Variants in TMC6 observed in about 807,000 individuals in gnomAD.
TMC6 encodes transmembrane channel like 6.
In TMC6, 71 loss-of-function variants were observed where a neutral mutation model predicts 95.4. The ratio of observed to expected loss-of-function variants is 0.74; its 90% CI spans 0.61 to 0.91. The LOEUF is 0.91. TMC6 is among the 40% of genes least tolerant of loss of function. The probability of loss-of-function intolerance (pLI) is 0.00; values close to 1 mark genes in which losing one functional copy is unlikely to be tolerated. For synonymous variants in TMC6, 514 were observed against 483.1 expected, an observed-to-expected ratio of 1.06 and a Z score of -0.84; for missense variants, 1,074 against 1,079.1, an observed-to-expected ratio of 1.00 and a Z score of 0.07.
intron 18 of TMC6, among the ~76,000 whole-genome samples, chr17:78,115,559 G>A (rs1416954599): frequency 2.0e-5 from 3 of 152,178 alleles, no homozygotes; most frequent in East Asian, 3.9e-4. Flanking sequence ...GGGGGAAAGT[G>A]CCTTGTCTCC....
chr17:78,119,122 G>A, intron 14 of TMC6, 76 bp from the exon 15 acceptor site: 1 of 1,520,446 alleles, frequency 6.6e-7, no homozygotes, highest in Non-Finnish European at 9.0e-7. Context: ...CCAGACCACG[G>A]GCAGGGCATG....
intron 1 of TMC6, 87 bp from the exon 2 acceptor site, chr17:78,126,993 G>T: frequency 1.2e-6 from 1 of 830,790 alleles, no homozygotes; most frequent in South Asian, 1.5e-5. Flanking sequence ...ACCACAGGAG[G>T]TGCCACTCAC....
In TMC6 at chr17:78,113,135, C is replaced by G; in HGVS notation, c.*13G>C. On this transcript the variant is annotated 3_prime_UTR_variant, in exon 20 of 20. Transcript: ENST00000590602. ...GGGTGCTGGGCGGGCCCGTGAGGCC[C>G]ATCGCCGTCCCCCTAGGCATCCTGT... 6.4e-7 allele frequency: 1 copy of G among 1,551,900 alleles called. No homozygotes were observed. The highest frequency in any genetic ancestry group is 8.7e-7 in the Non-Finnish European group (1 of 1,147,358).
At position 78,113,186 on chromosome 17, in the gene TMC6, C is replaced by T. The variant is rs112660101; in HGVS notation, c.2380G>A (p.Ala794Thr). ...SRVGTTEEAA[A>T]PPALLTDEQD... is the part of the protein sequence containing the mutation. Reference sequence around the variant, plus strand: ...TCATCTGTGAGCAGGGCAGGGGGTGCCGCAGCCTCCTCGGTTGTCCCAACC... The same window carrying T: ...TCATCTGTGAGCAGGGCAGGGGGTGTCGCAGCCTCCTCGGTTGTCCCAACC... The change falls in exon 20 of 20, where the codon GCA becomes ACA. Residue 794 changes from alanine (A) to threonine (T), a missense_variant. By Grantham distance (58) the Ala-to-Thr change is moderately conservative. Coordinates refer to ENST00000590602, the MANE Select transcript of TMC6 (RefSeq NM_001127198.5). The T allele has an allele frequency of 3.2e-6, 5 of 1,557,718 alleles. No homozygotes were observed. In the African/African-American group the frequency reaches 5.4e-5, roughly 17 times the overall value.
At chr17:78,125,935 C>T (rs746184238) in intron 4 of TMC6, 51 bp from the exon 5 acceptor site, 119 of 1,548,696 alleles carry the variant, frequency 7.7e-5, no homozygotes, top group South Asian at 2.5e-4. Context: ...GGCCTCCCTC[C>T]CCTCAGGATG....
At chr17:78,124,838 C>T in intron 7 of TMC6, 51 bp downstream of exon 7, 1 of 1,579,430 alleles carries the variant, frequency 6.3e-7, no homozygotes, top group Non-Finnish European at 8.6e-7. Context: ...ACTGAGGCCA[C>T]CCCAGCCCTG....
At chr17:78,129,114 GCGC>G (rs764437217), upstream of TMC6, among the ~76,000 whole-genome samples, 762 of 97,346 alleles carry the variant, frequency 7.8e-3, 17 homozygotes, top group African/African-American at 0.022. The surrounding 1 kb of genome is among the most constrained non-coding windows in gnomAD (Gnocchi z 4.3). Flanking sequence ...AGATTGGGCA[GCGC>G]CCCCCCCCCC....
chr17:78,115,954 T>C (rs1026354620), intron 18 of TMC6, among the ~76,000 whole-genome samples: 2 of 151,744 alleles, frequency 1.3e-5, no homozygotes, highest in Non-Finnish European at 2.9e-5. Context: ...GGGTGGACAG[T>C]ACTCCTGGGG....
intron 17 of TMC6, 34 bp downstream of exon 17, chr17:78,117,434 T>C (rs2074182497): frequency 1.2e-6 from 2 of 1,610,474 alleles, no homozygotes; most frequent in East Asian, 4.5e-5. Context: ...GCGAGGGCCA[T>C]CTCCCCAGGG....
At position 78,125,283 on chromosome 17, in the gene TMC6, G is replaced by A; in HGVS notation, c.431-20C>T. 3 of 1,551,928 alleles carry A rather than the reference G, an allele frequency of 1.9e-6. No homozygotes were observed. The highest frequency in any genetic ancestry group is 4.8e-5 in the East Asian group (2 of 41,410). ...GCTTCTCTGCGAGAGGGAGAGGGAG[G>A]TCCTGCCCATCCCCAAGTGCCCCTC... On this transcript the variant is annotated intron_variant, in intron 5 of 19. Coordinates refer to ENST00000590602, the MANE Select transcript of TMC6 (RefSeq NM_001127198.5).
intron 5 of TMC6, 102 bp from the exon 6 acceptor site, chr17:78,125,365 C>G: frequency 9.6e-7 from 1 of 1,047,080 alleles, no homozygotes; most frequent in South Asian, 1.3e-5. Context: ...GGCACCGTCC[C>G]GAGACACCTC....
In TMC6 at chr17:78,124,797, G is replaced by C; in HGVS notation, c.634-16C>G. 6.3e-7 allele frequency: 1 copy of C among 1,578,656 alleles called. No homozygotes were observed. The highest frequency in any genetic ancestry group is 8.6e-7 in the Non-Finnish European group (1 of 1,163,106). ...TGTGCAAGGCCTGCGGGCACAGGCA[G>C]AGAGGCCCTGAGGGTGAGGCCGGAG... On this transcript the variant is annotated splice_polypyrimidine_tract_variant and intron_variant, in intron 7 of 19. Coordinates refer to ENST00000590602, the MANE Select transcript of TMC6 (RefSeq NM_001127198.5).
chr17:78,121,638 A>G lies in TMC6; in HGVS notation c.1301T>C (p.Leu434Pro). 6.2e-7 allele frequency: 1 copy of G among 1,607,518 alleles called. No homozygotes were observed. Among genetic ancestry groups the G allele is most frequent in the Non-Finnish European group, 8.5e-7 (1 of 1,178,520 alleles). The change falls in exon 11 of 20, where the codon CTG becomes CCG. Residue 434 changes from leucine to proline, a missense_variant. Physicochemically the swap from Leu to Pro is moderately conservative, Grantham distance 98 (BLOSUM62 -3). Coordinates refer to ENST00000590602, the MANE Select transcript of TMC6 (RefSeq NM_001127198.5). This position sits in a 1 kb window ranked among gnomAD's most constrained non-coding sequence, Gnocchi z 5.6. Reference sequence around the variant, plus strand: ...CAGACACAGCAGCCACACAAGCCCCAGCACAGCCGCCTGCCGCAGCCTCCC... The same window carrying G: ...CAGACACAGCAGCCACACAAGCCCCGGCACAGCCGCCTGCCGCAGCCTCCC... ...VCGRLRQAAV[L>P]GLVWLLCLGT... is the part of the protein sequence containing the mutation.
upstream of TMC6, chr17:78,130,765 C>A (rs975469255): frequency 6.6e-6 from 1 of 152,434 alleles, no homozygotes; most frequent in South Asian, 2.1e-4. Flanking sequence ...ATGACCCCTC[C>A]TCTGGGCTCC....
In TMC6 at chr17:78,125,180, G is replaced by A. The variant is rs2074643268; in HGVS notation, c.514C>T (p.Leu172=). The change falls in exon 6 of 20, where the codon CTG becomes TTG. Residue 172 remains leucine, a synonymous_variant. Coordinates refer to ENST00000590602, the MANE Select transcript of TMC6 (RefSeq NM_001127198.5). ...CACCGCAGGCTGCGTTTCTCAGCCAGGCTTAAGGGCATCCCGCGAAGCATG... is the reference window on the plus strand; with the variant it reads ...CACCGCAGGCTGCGTTTCTCAGCCAAGCTTAAGGGCATCCCGCGAAGCATG... ...DHMLRGMPLS[L]AEKRSLREKS... The A allele has an allele frequency of 2.5e-6, 4 of 1,578,314 alleles. No homozygotes were observed. The highest frequency in any genetic ancestry group is 2.3e-5 in the East Asian group (1 of 43,308).
rs748800265 is a variant in TMC6, at chr17:78,121,654, G to T, written c.1285C>A (p.Arg429=). 1.1e-5 allele frequency: 18 copies of T among 1,604,288 alleles called. No individual in the cohort carries two copies. Among genetic ancestry groups the T allele is most frequent in the Middle Eastern group, 1.7e-4 (1 of 6,054 alleles). ...ACAAGCCCCAGCACAGCCGCCTGCC[G>T]CAGCCTCCCGCACACGCTCCTGGGG... The part of the protein sequence containing the change: ...HSPRSVCGRL[R]QAAVLGLVWL... Residue 429 remains arginine, a synonymous_variant, in exon 11 of 20, where the codon CGG becomes AGG. Coordinates refer to ENST00000590602, the MANE Select transcript of TMC6 (RefSeq NM_001127198.5). This position sits in a 1 kb window ranked among gnomAD's most constrained non-coding sequence, Gnocchi z 5.6.
rs917366930 is a variant in TMC6, at chr17:78,107,862, A to C, written c.*5286T>G. 14 of 152,202 alleles carry C rather than the reference A, an allele frequency of 9.2e-5. No homozygotes were observed. The highest frequency in any genetic ancestry group is 3.4e-4 in the African/African-American group (14 of 41,436). 9.4% of individuals were successfully genotyped at this position (152,202 alleles called of 1,614,324 possible). The stretch of plus-strand genomic sequence containing the variant: ...GGGGCTTAAAAAATATTTGGAGAGA[A>C]GAGTAATGAGGATTTTTTGTGTTTC... On this transcript the variant is annotated 3_prime_UTR_variant, in exon 20 of 20. Coordinates refer to ENST00000590602, the MANE Select transcript of TMC6 (RefSeq NM_001127198.5).
At chr17:78,113,254 A>G (rs1427094316) in intron 19 of TMC6, 43 bp from the exon 20 acceptor site, 1 of 1,538,884 alleles carries the variant, frequency 6.5e-7, no homozygotes, top group Admixed American at 2.0e-5. Context: ...ATAAACATCA[A>G]CATCCCTGCA....
upstream of TMC6, chr17:78,131,328 G>A (rs956053445): frequency 2.6e-5 from 15 of 579,244 alleles, no homozygotes; most frequent in South Asian, 1.8e-4. Flanking sequence ...GAGTTGGAGC[G>A]GGGCTGGGCC....
Sources: allele counts gnomAD v4.1 joint callset (sites outside exome capture counted in the v4.1 genomes callset), GRCh38; gene constraint gnomAD v4.1.1; non-coding constraint Gnocchi (gnomAD v3.1); transcripts MANE v1.5; gene names NCBI Gene and HGNC (gene_info 2026-07-23, HGNC 2026-07-21).